AK3: variants seen among roughly 807,000 people sequenced by gnomAD.
The protein encoded by AK3 is adenylate kinase 3, also known as GTP:AMP phosphotransferase AK3, mitochondrial.
A neutral mutation model predicts 23.7 loss-of-function variants in AK3; 27 were observed. The ratio of observed to expected loss-of-function variants is 1.14; its 90% CI spans 0.84 to 1.57. The LOEUF is 1.57. Ranked by LOEUF, AK3 falls within the 40% of genes most tolerant of loss-of-function variation. The pLI, the probability that AK3 is intolerant of heterozygous loss-of-function variation, is 0.00. For missense variants in AK3, 406 were observed against 285.6 expected (o/e 1.42, Z -3.04); for synonymous variants, 159 against 116.0 (o/e 1.37, Z -2.38).
rs1554628161 is a variant in AK3 at position 4,735,266 on chromosome 9, T to TATATACATATATATACAC, written c.151+5670_151+5671insGTGTATATATATGTATAT. On this transcript the variant is annotated intron_variant, in intron 1 of 4. Coordinates refer to ENST00000381809, the MANE Select transcript of AK3 (RefSeq NM_016282.4). ...ATATAAATATATATATATATAAATA[T>TATATACATATATATACAC]ATATATAAATATATATACATATATA... 3.0e-4 allele frequency among the ~76,000 whole-genome samples: 4 copies of TATATACATATATATACAC among 13,334 alleles called. 1 individual carries two copies. Among genetic ancestry groups the TATATACATATATATACAC allele is most frequent in the African/African-American group, 1.4e-3 (4 of 2,916 alleles). The allele number at this position is 13,334 out of a possible 152,430, so 8.7% of individuals were successfully genotyped here.
intron 4 of AK3, among the ~76,000 whole-genome samples, chr9:4,714,306 T>C (rs1278949826): frequency 6.6e-6 from 1 of 152,046 alleles, no homozygotes; most frequent in Admixed American, 6.6e-5. Context: ...AGAGGATTCC[T>C]TATACCTGTG....
intron 1 of AK3, among the ~76,000 whole-genome samples, chr9:4,726,231 C>G (rs976375003): frequency 6.6e-6 from 1 of 152,064 alleles, no homozygotes; most frequent in African/African-American, 2.4e-5. Context: ...GATGAGGTGG[C>G]TGTGCAATTG....
Position 4,740,965 on chromosome 9 carries a change from C to T in AK3, c.123G>A (p.Leu41=). 6.3e-7 allele frequency: 1 copy of T among 1,583,342 alleles called. No individual in the cohort carries two copies. The highest frequency in any genetic ancestry group is 8.6e-7 in the Non-Finnish European group (1 of 1,167,204). ...TGCCCCGCAGCATGTTGTCCCGGAG[C>T]AGGTCCCCGCTGGAGAGGTGCTTCA... is the stretch of plus-strand genomic sequence containing the variant. ...FELKHLSSGD[L]LRDNMLRGTE... is the part of the protein sequence containing the mutation. Residue 41 remains leucine (L), a synonymous_variant, in exon 1 of 5, where the codon CTG becomes CTA. Coordinates refer to ENST00000381809, the MANE Select transcript of AK3 (RefSeq NM_016282.4).
intron 1 of AK3, among the ~76,000 whole-genome samples, chr9:4,728,544 C>G (rs10118317): frequency 0.5 from 75,591 of 151,814 alleles, 20,134 homozygotes; most frequent in East Asian, 0.74. Context: ...GCACTCCAGC[C>G]TGGGCAACAG....
chr9:4,731,123 T>G (rs1290492241), intron 1 of AK3, among the ~76,000 whole-genome samples: 1 of 152,232 alleles, frequency 6.6e-6, no homozygotes, highest in Non-Finnish European at 1.5e-5. Flanking sequence ...TGTTGTTTTA[T>G]AATTTCTATT....
chr9:4,734,741 A>C (rs1441673779), intron 1 of AK3, among the ~76,000 whole-genome samples: 1 of 152,250 alleles, frequency 6.6e-6, no homozygotes, highest in Non-Finnish European at 1.5e-5. Flanking sequence ...AAAAAGAGAA[A>C]ACAACCCAAA....
rs1004256840 is a variant in AK3 at position 4,712,859 on chromosome 9, AAGT to A, written c.*114_*116del. 1.7e-6 allele frequency: 2 copies of A among 1,173,682 alleles called. No homozygotes were observed. The highest frequency in any genetic ancestry group is 4.8e-5 in the Admixed American group (2 of 41,830). 72.7% of individuals were successfully genotyped at this position (1,173,682 alleles called of 1,614,324 possible). ...TCCAAAATAAAATCAGTAGAAATAA[AAGT>A]AATATAATTTTCAAAGAATTCATAC... On this transcript the variant is annotated 3_prime_UTR_variant, in exon 5 of 5. Transcript: ENST00000381809.
intron 1 of AK3, among the ~76,000 whole-genome samples, chr9:4,735,452 T>A (rs1673339624): frequency 8.9e-6 from 1 of 112,222 alleles, no homozygotes; most frequent in South Asian, 2.5e-4. Flanking sequence ...TATAAATATA[T>A]ACATAGTATA....
At chr9:4,729,479 G>C (rs1450921082) in intron 1 of AK3, among the ~76,000 whole-genome samples, 3 of 151,800 alleles carry the variant, frequency 2.0e-5, no homozygotes, top group Non-Finnish European at 4.4e-5. Flanking sequence ...CTTGCAGGGA[G>C]GGGGGAAAGA....
At chr9:4,721,912 G>A (rs1841907654) in intron 2 of AK3, among the ~76,000 whole-genome samples, 3 of 151,694 alleles carry the variant, frequency 2.0e-5, no homozygotes, top group Admixed American at 2.0e-4. Flanking sequence ...CAGGGCTGCA[G>A]GGCTTGGCAA....
chr9:4,733,153 T>C (rs1419415791), intron 1 of AK3, among the ~76,000 whole-genome samples: 1 of 152,028 alleles, frequency 6.6e-6, no homozygotes, highest in Non-Finnish European at 1.5e-5. Flanking sequence ...AACCAGCAGT[T>C]CTCTTTCACA....
intron 1 of AK3, among the ~76,000 whole-genome samples, chr9:4,726,228 T>G (rs7033866): frequency 6.6e-6 from 1 of 151,894 alleles, no homozygotes; most frequent in African/African-American, 2.4e-5. Context: ...AATGATGAGG[T>G]GGCTGTGCAA....
chr9:4,719,790 G>A (rs957345676), intron 2 of AK3, among the ~76,000 whole-genome samples: 2 of 152,150 alleles, frequency 1.3e-5, no homozygotes, highest in Admixed American at 6.6e-5. Flanking sequence ...GACTGGCCGG[G>A]CGCAGTGGCT....
rs1451920899 is a variant in AK3 at position 4,711,518 on chromosome 9, TC to T, written c.*1457del. On this transcript the variant is annotated 3_prime_UTR_variant, in exon 5 of 5. Coordinates refer to ENST00000381809, the MANE Select transcript of AK3 (RefSeq NM_016282.4). ...TCAGAAGAAAAGGGAAATAAAATTTTCCCCCCAAAACACATAAGAACCACTT... is the reference window on the plus strand; with the variant it reads ...TCAGAAGAAAAGGGAAATAAAATTTTCCCCCAAAACACATAAGAACCACTT... 1 of 152,618 alleles carries T rather than the reference TC, an allele frequency of 6.6e-6. No individual in the cohort carries two copies. The highest frequency in any genetic ancestry group is 6.5e-5 in the Admixed American group (1 of 15,274). 9.5% of individuals were successfully genotyped at this position (152,618 alleles called of 1,614,324 possible).
rs377403539 is a variant in AK3, at chr9:4,722,560, G to A, written c.217C>T (p.Arg73Trp). ...TTTTTCAGCTCATGAAGGGCCAGCC[G>A]AGTCATGACATCATCTGGGATGAGT... ...GKLIPDDVMT[R>W]LALHELKNLT... Residue 73 changes from arginine (R) to tryptophan (W), a missense_variant, in exon 2 of 5, where the codon CGG (arginine) becomes TGG (tryptophan). By Grantham distance (101) the Arg-to-Trp change is moderately radical. Coordinates refer to ENST00000381809, the MANE Select transcript of AK3 (RefSeq NM_016282.4). The A allele has an allele frequency of 9.0e-5, 146 of 1,614,152 alleles. 2 individuals are homozygous for A. In the Middle Eastern group the frequency reaches 1.8e-3, roughly 20 times the overall value.
rs531405820 is a variant in AK3 at position 4,741,022 on chromosome 9, G to C, written c.66C>G (p.Thr22=). The change falls in exon 1 of 5, where the codon ACC becomes ACG. Residue 22 remains threonine, a synonymous_variant. Transcript: ENST00000381809. The part of the protein sequence containing the change: ...IMGAPGSGKG[T]VSSRITTHFE... ...AGTGTGTAGTGATGCGCGACGACACGGTGCCCTTGCCCGAGCCCGGGGCCC... is the reference window on the plus strand; with the variant it reads ...AGTGTGTAGTGATGCGCGACGACACCGTGCCCTTGCCCGAGCCCGGGGCCC... 3.1e-6 allele frequency: 5 copies of C among 1,589,300 alleles called. No homozygotes were observed. Among genetic ancestry groups the C allele is most frequent in the Admixed American group, 1.8e-5 (1 of 56,926 alleles).
intron 1 of AK3, among the ~76,000 whole-genome samples, chr9:4,725,205 G>A (rs1841996001): frequency 1.3e-5 from 2 of 151,588 alleles, no homozygotes; most frequent in Non-Finnish European, 2.9e-5. Context: ...TGTATTTTTA[G>A]TAGAGACAGG....
chr9:4,719,111 G>C, intron 3 of AK3, 24 bp downstream of exon 3: 1 of 1,611,410 alleles, frequency 6.2e-7, no homozygotes. Flanking sequence ...TCTGCTATGT[G>C]ACAGTTCCAC....
At chr9:4,719,438 T>C (rs961232720) in intron 2 of AK3, 131 bp from the exon 3 acceptor site, 5 of 848,754 alleles carry the variant, frequency 5.9e-6, no homozygotes, top group Non-Finnish European at 8.8e-6. Context: ...GGAATGAGGC[T>C]CACCAGGCAG....
Sources: gnomAD v4.1 joint callset for allele counts (sites outside exome capture counted in the v4.1 genomes callset) on GRCh38, gnomAD v4.1.1 for gene constraint, MANE v1.5 for transcripts, NCBI Gene and HGNC (gene_info 2026-07-23, HGNC 2026-07-21) for gene names.